Variants in PLEKHA5 observed in about 807,000 individuals in gnomAD.
The protein encoded by PLEKHA5 is pleckstrin homology domain-containing family A member 5.
In PLEKHA5, 55 loss-of-function variants were observed where a neutral mutation model predicts 181.9. The observed-to-expected ratio is 0.30, with a 90% CI of 0.24 to 0.38. PLEKHA5 has a LOEUF of 0.38. Among genes scored for constraint, PLEKHA5 ranks in the 10% least tolerant of loss-of-function variants. The pLI, the probability that PLEKHA5 is intolerant of heterozygous loss-of-function variation, is 1.00. For missense variants in PLEKHA5, 1,432 were observed against 1,549.5 expected, an observed-to-expected ratio of 0.92 and a Z score of 1.27; for synonymous variants, 535 against 529.4, an observed-to-expected ratio of 1.01 and a Z score of -0.15.
intron 15 of PLEKHA5, among the ~76,000 whole-genome samples, chr12:19,308,463 A>G (rs2084972267): frequency 1.3e-5 from 2 of 152,220 alleles, no homozygotes. Context: ...CTGATGGTGT[A>G]ACCCGTTTTA....
Position 19,361,660 on chromosome 12 carries a change from G to C in PLEKHA5, c.3562G>C (p.Asp1188His). The C allele has an allele frequency of 6.3e-7, 1 of 1,590,264 alleles. No homozygotes were observed. The highest frequency in any genetic ancestry group is 1.3e-5 in the African/African-American group (1 of 74,358). Residue 1188 changes from aspartate to histidine, a missense_variant, in exon 29 of 32, where the codon GAT becomes CAT. Around this residue, in one of 2 missense-constraint regions of PLEKHA5, gnomAD observed 1,143 missense variants for 1,168.4 expected, o/e 0.98. Coordinates refer to ENST00000429027, the MANE Select transcript of PLEKHA5 (RefSeq NM_001256470.2). Reference sequence around the variant, plus strand: ...TGGAGTAAATTCTGTGGAAATGATGGATAAAGAAAGAAACAAAGACAAAAT... The same window carrying C: ...TGGAGTAAATTCTGTGGAAATGATGCATAAAGAAAGAAACAAAGACAAAAT... ...PNGVNSVEMM[D>H]KERNKDKMPE...
At chr12:19,251,417 AAAAAG>A (rs2065251348) in intron 3 of PLEKHA5, among the ~76,000 whole-genome samples, 1 of 151,600 alleles carries the variant, frequency 6.6e-6, no homozygotes, top group Non-Finnish European at 1.5e-5. Flanking sequence ...AAAAAAAAAA[AAAAAG>A]AAAAGAAAAG....
chr12:19,275,027 C>T (rs1370035070), intron 11 of PLEKHA5, 44 bp downstream of exon 11: 1 of 1,328,478 alleles, frequency 7.5e-7, no homozygotes, highest in Non-Finnish European at 1.1e-6. Flanking sequence ...TTCTTTGATG[C>T]TGTGTTGGTG....
intron 20 of PLEKHA5, among the ~76,000 whole-genome samples, chr12:19,334,829 A>AT (rs1555165772): frequency 3.3e-3 from 61 of 18,524 alleles, no homozygotes; most frequent in African/African-American, 7.4e-3. Flanking sequence ...AAAAAAAAAA[A>AT]ATATATATAT....
At chr12:19,345,046 C>T (rs1282015915) in intron 22 of PLEKHA5, among the ~76,000 whole-genome samples, 2 of 151,780 alleles carry the variant, frequency 1.3e-5, no homozygotes, top group South Asian at 4.2e-4. Context: ...CTCTTGAACC[C>T]GGGAGGCAGA....
chr12:19,141,659 G>C (rs1336014561), intron 3 of PLEKHA5, among the ~76,000 whole-genome samples: 2 of 152,188 alleles, frequency 1.3e-5, no homozygotes, highest in African/African-American at 4.8e-5. Flanking sequence ...GGACCAGGGA[G>C]GATGAAGAGA....
intron 3 of PLEKHA5, among the ~76,000 whole-genome samples, chr12:19,250,579 G>A (rs377375175): frequency 1.5e-4 from 22 of 151,680 alleles, no homozygotes; most frequent in African/African-American, 5.1e-4. Flanking sequence ...GTGAAACTCC[G>A]TCTCCAAAAA....
intron 29 of PLEKHA5, 117 bp from the exon 30 acceptor site, chr12:19,365,847 A>T (rs2095409686): frequency 6.4e-6 from 4 of 628,376 alleles, no homozygotes; most frequent in Non-Finnish European, 1.1e-5. Flanking sequence ...GAAAAGATTA[A>T]TTGTAAGAAA....
chr12:19,139,714 G>T (rs1341314476), intron 3 of PLEKHA5, among the ~76,000 whole-genome samples: 1 of 152,162 alleles, frequency 6.6e-6, no homozygotes, highest in African/African-American at 2.4e-5. Context: ...ATATTGAAAG[G>T]CCTTAGCCCG....
intron 7 of PLEKHA5, among the ~76,000 whole-genome samples, chr12:19,261,450 A>G (rs547842871): frequency 1.3e-5 from 2 of 152,306 alleles, no homozygotes; most frequent in African/African-American, 2.4e-5. Flanking sequence ...GTGAAATACA[A>G]ATTTCATTTT....
chr12:19,168,067 TC>T (rs1404003926), intron 3 of PLEKHA5, among the ~76,000 whole-genome samples: 1 of 152,184 alleles, frequency 6.6e-6, no homozygotes, highest in Non-Finnish European at 1.5e-5. Context: ...TTCTATTTGT[TC>T]CTATCCCCAT....
chr12:19,161,516 G>C (rs541036593), intron 3 of PLEKHA5, among the ~76,000 whole-genome samples: 170 of 152,118 alleles, frequency 1.1e-3, no homozygotes, highest in African/African-American at 3.9e-3. Flanking sequence ...CCCCATCTCC[G>C]TGTCTCCACC....
At chr12:19,334,466 G>A (rs995538732) in intron 20 of PLEKHA5, among the ~76,000 whole-genome samples, 1 of 152,140 alleles carries the variant, frequency 6.6e-6, no homozygotes, top group Non-Finnish European at 1.5e-5. Flanking sequence ...CTGCAGTGCA[G>A]TTAAGCCTAC....
chr12:19,171,774 TTATTCTG>T (rs2045950262), intron 3 of PLEKHA5, among the ~76,000 whole-genome samples: 1 of 152,230 alleles, frequency 6.6e-6, no homozygotes, highest in African/African-American at 2.4e-5. Context: ...CTTTATATCC[TTATTCTG>T]TATGCTTTTT....
intron 3 of PLEKHA5, among the ~76,000 whole-genome samples, chr12:19,195,672 CAAAAAAAAA>C (rs3056386): frequency 2.8e-4 from 23 of 81,592 alleles, no homozygotes; most frequent in East Asian, 2.5e-3. Flanking sequence ...GACCCTGTCT[CAAAAAAAAA>C]AAAAAAAAAA....
intron 30 of PLEKHA5, among the ~76,000 whole-genome samples, chr12:19,367,261 T>C (rs1303991310): frequency 2.9e-4 from 2 of 6,862 alleles, no homozygotes; most frequent in South Asian, 0.026. Context: ...GCTTCTTCTT[T>C]TTTTTTTTTT....
chr12:19,329,319 A>C (rs2092606190), intron 20 of PLEKHA5, among the ~76,000 whole-genome samples: 1 of 152,032 alleles, frequency 6.6e-6, no homozygotes, highest in East Asian at 1.9e-4. Context: ...TGTCTTTACC[A>C]AGTTTTGGTA....
intron 15 of PLEKHA5, among the ~76,000 whole-genome samples, chr12:19,297,257 C>T (rs1268615792): frequency 2.6e-5 from 4 of 151,664 alleles, no homozygotes; most frequent in African/African-American, 7.3e-5. Context: ...AGCTAAAGGA[C>T]GTTATCCTCA....
intron 3 of PLEKHA5, among the ~76,000 whole-genome samples, chr12:19,161,086 A>G (rs533406705): frequency 1.3e-5 from 2 of 152,216 alleles, no homozygotes; most frequent in African/African-American, 4.8e-5. Context: ...TTAGAAGTTC[A>G]TGTCCCTTCT....
Sources: gnomAD v4.1 joint callset for allele counts (sites outside exome capture counted in the v4.1 genomes callset) on GRCh38, gnomAD v4.1.1 for gene constraint, gnomAD v4.1.1 regional missense constraint, MANE v1.5 for transcripts, NCBI Gene and HGNC (gene_info 2026-07-23, HGNC 2026-07-21) for gene names.